Variants in BACE2 observed in about 807,000 individuals in gnomAD.
BACE2 encodes beta-secretase 2, also known as 56 kDa aspartic-like protease.
A neutral mutation model predicts 46.2 loss-of-function variants in BACE2; 17 were observed. The ratio of observed to expected loss-of-function variants is 0.37; its 90% CI spans 0.25 to 0.55. The LOEUF is 0.55. BACE2 is among the 20% of genes least tolerant of loss of function. The pLI, the probability that BACE2 is intolerant of heterozygous loss-of-function variation, is 0.82. For synonymous variants in BACE2, 277 were observed against 295.9 expected, an observed-to-expected ratio of 0.94 and a Z score of 0.66; for missense variants, 595 against 698.1, an observed-to-expected ratio of 0.85 and a Z score of 1.66.
intron 1 of BACE2, among the ~76,000 whole-genome samples, chr21:41,212,553 T>G (rs1986332400): frequency 6.6e-6 from 1 of 152,152 alleles, no homozygotes; most frequent in South Asian, 2.1e-4. Flanking sequence ...CAGGGTGCAC[T>G]CAGAGTGGGC....
chr21:41,209,354 C>A (rs1338848578), intron 1 of BACE2, among the ~76,000 whole-genome samples: 1 of 152,306 alleles, frequency 6.6e-6, no homozygotes, highest in African/African-American at 2.4e-5. Context: ...CAGGGGGAGG[C>A]CTGTGTGGTC....
chr21:41,173,836 A>G (rs1372214807), intron 1 of BACE2, among the ~76,000 whole-genome samples: 1 of 152,222 alleles, frequency 6.6e-6, no homozygotes, highest in Non-Finnish European at 1.5e-5. Context: ...TCCAATGTGT[A>G]CAAGATTAGA....
At chr21:41,270,177 A>G (rs915893494) in intron 8 of BACE2, among the ~76,000 whole-genome samples, 5 of 152,050 alleles carry the variant, frequency 3.3e-5, no homozygotes, top group East Asian at 1.9e-4. Context: ...CCATTTTTGT[A>G]TAGGGTTGTT....
intron 1 of BACE2, among the ~76,000 whole-genome samples, chr21:41,209,280 T>C (rs1256094826): frequency 6.6e-6 from 1 of 152,224 alleles, no homozygotes; most frequent in East Asian, 1.9e-4. Flanking sequence ...CCATCCTTGC[T>C]GCTTCCCTCC....
At chr21:41,255,850 G>A (rs1238437395) in intron 7 of BACE2, among the ~76,000 whole-genome samples, 3 of 152,212 alleles carry the variant, frequency 2.0e-5, no homozygotes, top group Non-Finnish European at 4.4e-5. Context: ...AACATGGCCT[G>A]CTTTCCAGCC....
intron 7 of BACE2, 83 bp from the exon 8 acceptor site, chr21:41,257,075 A>G (rs1987805634): frequency 6.5e-7 from 1 of 1,529,812 alleles, no homozygotes; most frequent in Non-Finnish European, 9.0e-7. Flanking sequence ...GGTCCTGAGC[A>G]TGCGTGTGAC....
chr21:41,237,602 C>T lies in BACE2; in HGVS notation c.491C>T (p.Thr164Ile). The T allele has an allele frequency of 6.2e-7, 1 of 1,614,164 alleles. No homozygotes were observed. Among genetic ancestry groups the T allele is most frequent in the Non-Finnish European group, 8.5e-7 (1 of 1,179,966 alleles). ...WTGFVGEDLV[T>I]IPKGFNTSFL... ...GGCTTCGTTGGGGAAGACCTCGTCA[C>T]CATCCCCAAAGGCTTCAATACTTCT... Residue 164 changes from threonine to isoleucine, a missense_variant, in exon 3 of 9, where the codon ACC becomes ATC. Around this residue, in one of 3 missense-constraint regions of BACE2, gnomAD observed 248 missense variants for 261.4 expected, o/e 0.95. Coordinates refer to ENST00000330333, the MANE Select transcript of BACE2 (RefSeq NM_012105.5).
At chr21:41,224,209 A>ATTTTTTTTTTTTTTTTTT (rs10658440) in intron 1 of BACE2, among the ~76,000 whole-genome samples, 2 of 98,906 alleles carry the variant, frequency 2.0e-5, no homozygotes, top group African/African-American at 4.5e-5. Flanking sequence ...GCCTATTTTG[A>ATTTTTTTTTTTTTTTTTT]TTTTTTTTTT....
At chr21:41,235,042 C>T (rs571145111) in intron 2 of BACE2, among the ~76,000 whole-genome samples, 23 of 152,212 alleles carry the variant, frequency 1.5e-4, no homozygotes, top group Non-Finnish European at 2.4e-4. Context: ...TTAGAATCAG[C>T]TGTTTCCCCC....
chr21:41,188,909 T>C (rs566098081), intron 1 of BACE2, among the ~76,000 whole-genome samples: 1 of 152,196 alleles, frequency 6.6e-6, no homozygotes, highest in African/African-American at 2.4e-5. Flanking sequence ...CAATGGCACA[T>C]TGGTTACCGT....
At chr21:41,228,927 G>A (rs1397385742) in intron 2 of BACE2, among the ~76,000 whole-genome samples, 2 of 152,192 alleles carry the variant, frequency 1.3e-5, no homozygotes, top group Non-Finnish European at 2.9e-5. Flanking sequence ...GTATGCATAT[G>A]TGAATGGGAG....
At chr21:41,214,797 G>A (rs1168262664) in intron 1 of BACE2, among the ~76,000 whole-genome samples, 1 of 152,232 alleles carries the variant, frequency 6.6e-6, no homozygotes, top group African/African-American at 2.4e-5. Flanking sequence ...TGGCCCTACT[G>A]TCAGCTGTCA....
intron 1 of BACE2, chr21:41,181,430 CAGTTGTTT>C (rs1985119264): frequency 6.0e-6 from 1 of 167,104 alleles, no homozygotes. Flanking sequence ...CCAGATCAGG[CAGTTGTTT>C]TTCCTTTGTA....
chr21:41,181,112 G>A (rs962105592), intron 1 of BACE2: 1 of 167,122 alleles, frequency 6.0e-6, no homozygotes, highest in Non-Finnish European at 1.5e-5. Context: ...TATAGATTGT[G>A]ACCCCTGGAG....
At chr21:41,241,143 T>A (rs567957018) in intron 3 of BACE2, among the ~76,000 whole-genome samples, 5 of 151,992 alleles carry the variant, frequency 3.3e-5, no homozygotes, top group African/African-American at 7.2e-5. Flanking sequence ...TCCCTTTGAG[T>A]CTCTCTGGAG....
At chr21:41,183,762 G>C (rs1170077606) in intron 1 of BACE2, 1 of 167,104 alleles carries the variant, frequency 6.0e-6, no homozygotes, top group Non-Finnish European at 1.5e-5. Context: ...GGGCTAGTAG[G>C]AGAAGGTTAG....
intron 1 of BACE2, among the ~76,000 whole-genome samples, chr21:41,208,217 A>G (rs535749920): frequency 6.6e-6 from 1 of 152,212 alleles, no homozygotes; most frequent in African/African-American, 2.4e-5. Context: ...GGCCTACAGG[A>G]TTAGTTTCTC....
At position 41,244,972 on chromosome 21, in the gene BACE2, C is replaced by T. The variant is rs531533506; in HGVS notation, c.883-990C>T. Among the ~76,000 whole-genome samples the T allele has an allele frequency of 1.9e-4, 29 of 151,790 alleles. No individual in the cohort carries two copies. In the East Asian group the frequency reaches 4.8e-3, roughly 25 times the overall value. On this transcript the variant is annotated intron_variant, in intron 5 of 8. Transcript: ENST00000330333. ...TAGATTCTAGGTTCTTTCCTGCCCACCCCATATGCACCCACCCCACAAAAG... is the reference window on the plus strand; with the variant it reads ...TAGATTCTAGGTTCTTTCCTGCCCATCCCATATGCACCCACCCCACAAAAG...
At chr21:41,179,697 T>C (rs926273832) in intron 1 of BACE2, 13 of 1,296,080 alleles carry the variant, frequency 1.0e-5, no homozygotes, top group East Asian at 5.0e-5. Context: ...TGTGAAAACA[T>C]TGTGCTTCCC....
Sources: allele counts gnomAD v4.1 joint callset (sites outside exome capture counted in the v4.1 genomes callset), GRCh38; gene constraint gnomAD v4.1.1; regional missense constraint gnomAD v4.1.1; transcripts MANE v1.5; gene names NCBI Gene and HGNC (gene_info 2026-07-23, HGNC 2026-07-21).